PSD3: variants seen among roughly 807,000 people sequenced by gnomAD.
The protein encoded by PSD3 is PH and SEC7 domain-containing protein 3.
A neutral mutation model predicts 105.5 loss-of-function variants in PSD3; 49 were observed. The ratio of observed to expected loss-of-function variants is 0.46; its 90% CI spans 0.37 to 0.59. PSD3 has a LOEUF of 0.59. Ranked by LOEUF, PSD3 falls within the 20% of genes least tolerant of loss-of-function variation. PSD3 has a pLI of 0.00. For synonymous variants in PSD3, 557 were observed against 457.8 expected, an observed-to-expected ratio of 1.22 and a Z score of -2.77; for missense variants, 1,561 against 1,263.8, an observed-to-expected ratio of 1.24 and a Z score of -3.57.
chr8:18,857,323 G>T (rs1448119676), intron 4 of PSD3, among the ~76,000 whole-genome samples: 1 of 152,194 alleles, frequency 6.6e-6, no homozygotes, highest in Non-Finnish European at 1.5e-5. Context: ...ACCTGGGAAT[G>T]TGTTAAAATG....
At chr8:18,551,819 C>T (rs1307158704) in intron 15 of PSD3, among the ~76,000 whole-genome samples, 1 of 152,056 alleles carries the variant, frequency 6.6e-6, no homozygotes, top group Non-Finnish European at 1.5e-5. Flanking sequence ...ATCTTCCTTC[C>T]AAGCATGAAG....
At chr8:18,933,612 C>T (rs1026480213) in intron 2 of PSD3, among the ~76,000 whole-genome samples, 30 of 152,126 alleles carry the variant, frequency 2.0e-4, no homozygotes, top group African/African-American at 7.2e-4. Context: ...GAATTACAGG[C>T]ACATGTCACC....
intron 4 of PSD3, among the ~76,000 whole-genome samples, chr8:18,811,783 C>A (rs1811707830): frequency 1.3e-5 from 2 of 152,132 alleles, no homozygotes; most frequent in Non-Finnish European, 2.9e-5. Context: ...GGAGAATACC[C>A]AGAGAGCAAA....
chr8:19,068,088 G>C (rs1353175992), intron 1 of PSD3, among the ~76,000 whole-genome samples: 1 of 152,104 alleles, frequency 6.6e-6, no homozygotes, highest in African/African-American at 2.4e-5. Flanking sequence ...ATACAGGACT[G>C]GCTGCACAAT....
intron 1 of PSD3, among the ~76,000 whole-genome samples, chr8:19,032,734 G>A (rs1211375836): frequency 3.3e-5 from 5 of 151,884 alleles, no homozygotes. Context: ...AGTTTTTCAG[G>A]TAGGAAAATA....
chr8:18,548,447 T>C (rs1168543792), intron 15 of PSD3, among the ~76,000 whole-genome samples: 1 of 152,218 alleles, frequency 6.6e-6, no homozygotes, highest in African/African-American at 2.4e-5. Context: ...GTCTTTACTG[T>C]CTTTGGGTGA....
chr8:18,832,839 C>A (rs1813786334), intron 4 of PSD3, among the ~76,000 whole-genome samples: 1 of 152,120 alleles, frequency 6.6e-6, no homozygotes. Flanking sequence ...GAGACCTATT[C>A]ATTATCACTA....
At chr8:18,784,330 G>T (rs1808918970) in intron 8 of PSD3, among the ~76,000 whole-genome samples, 1 of 151,468 alleles carries the variant, frequency 6.6e-6, no homozygotes, top group Admixed American at 6.6e-5. Flanking sequence ...GTGTTCAGAA[G>T]GAATAAGACT....
chr8:18,535,620 A>C lies in PSD3; in HGVS notation c.*123T>G. 1 of 794,676 alleles carries C rather than the reference A, an allele frequency of 1.3e-6. No homozygotes were observed. Among genetic ancestry groups the C allele is most frequent in the Non-Finnish European group, 2.0e-6 (1 of 494,340 alleles). 49.2% of individuals were successfully genotyped at this position (794,676 alleles called of 1,614,324 possible). A position where few individuals can be genotyped will look rare whatever the true frequency, so the allele number is the denominator to read the frequency against. On this transcript the variant is annotated 3_prime_UTR_variant, in exon 16 of 16. Transcript: ENST00000327040. ...AACTAACAAAAATATACAATAGAAA[A>C]AATTACTAATGCACCGTTTTGTCAC... is the stretch of plus-strand genomic sequence containing the variant.
intron 4 of PSD3, chr8:18,849,299 T>C (rs763366935): frequency 1.5e-4 from 23 of 152,228 alleles, no homozygotes; most frequent in East Asian, 1.9e-4. Flanking sequence ...CTATCATTTC[T>C]ATATGATGAA....
In PSD3 at chr8:18,867,730, A is replaced by G. The variant is rs367704787; in HGVS notation, c.1578T>C (p.Asn526=). The G allele has an allele frequency of 8.1e-6, 13 of 1,614,086 alleles. No individual in the cohort carries two copies. In the African/African-American group the frequency reaches 1.3e-4, roughly 17 times the overall value. The stretch of plus-strand genomic sequence containing the variant: ...TCGTGTAGATGGAGTCGCTGGCATC[A>G]TTCAGCCCATTGGTGACGCCACTAG... ...GYSSGVTNGL[N]DASDSIYTKG... The change falls in exon 4 of 16, where the codon AAT becomes AAC. Residue 526 remains asparagine (N), a synonymous_variant. Transcript: ENST00000327040.
intron 1 of PSD3, among the ~76,000 whole-genome samples, chr8:18,963,481 T>A (rs1411443356): frequency 6.6e-6 from 1 of 152,166 alleles, no homozygotes; most frequent in East Asian, 1.9e-4. Flanking sequence ...ATTTTATACA[T>A]ACTCGACTCG....
At chr8:18,615,201 G>GATCACCTGCTGCACCCTACATTCCA in intron 11 of PSD3, among the ~76,000 whole-genome samples, 1 of 151,456 alleles carries the variant, frequency 6.6e-6, no homozygotes, top group African/African-American at 2.4e-5. Flanking sequence ...GACTCATTCT[G>GATCACCTGCTGCACCCTACATTCCA]ATCACCTGCT....
chr8:18,755,416 T>A (rs1229090201), intron 9 of PSD3, among the ~76,000 whole-genome samples: 1 of 135,668 alleles, frequency 7.4e-6, no homozygotes, highest in Non-Finnish European at 1.6e-5. Flanking sequence ...GGCAACAGAG[T>A]GAGACCCTGT....
intron 8 of PSD3, among the ~76,000 whole-genome samples, chr8:18,793,550 C>T (rs1271003040): frequency 6.6e-6 from 1 of 152,050 alleles, no homozygotes; most frequent in Non-Finnish European, 1.5e-5. Context: ...TAAGACAAGA[C>T]AAACACGGCA....
intron 4 of PSD3, among the ~76,000 whole-genome samples, chr8:18,828,982 G>A (rs536726395): frequency 4.6e-5 from 7 of 152,214 alleles, no homozygotes; most frequent in African/African-American, 1.2e-4. Flanking sequence ...TGAGGTGGGC[G>A]GACGGCTTGA....
At position 19,064,253 on chromosome 8, in the gene PSD3, G is replaced by C. The variant is rs563779853; in HGVS notation, c.324+19953C>G. Among the ~76,000 whole-genome samples the C allele has an allele frequency of 4.6e-5, 7 of 152,244 alleles. No homozygotes were observed. In the South Asian group the frequency reaches 1.2e-3, roughly 27 times the overall value. On this transcript the variant is annotated intron_variant, in intron 1 of 1. Transcript: ENST00000521475. Reference sequence around the variant, plus strand: ...CAGCATGTAATTCCTAATAATTAAAGACACCTTTAGTGTGTACCTAAATAG... The same window carrying C: ...CAGCATGTAATTCCTAATAATTAAACACACCTTTAGTGTGTACCTAAATAG...
At chr8:18,957,244 G>A (rs150446404) in intron 1 of PSD3, among the ~76,000 whole-genome samples, 4,766 of 151,992 alleles carry the variant, frequency 0.031, 260 homozygotes, top group African/African-American at 0.1. Flanking sequence ...GGTGGCGCGC[G>A]CCTGTAGTCC....
Position 18,801,353 on chromosome 8 carries a change from CCCA to C in PSD3, c.1937_1939del (p.Val646del). On this transcript the variant is annotated inframe_deletion, in exon 7 of 16. Transcript: ENST00000327040. ...AACTCTCTCTCGTTCTTGAGTTTCTCCCACAAGAGAGAATGCTTTAAAGAAATA... is the reference window on the plus strand; with the variant it reads ...AACTCTCTCTCGTTCTTGAGTTTCTCCAAGAGAGAATGCTTTAAAGAAATA... 2 of 1,605,470 alleles carry C rather than the reference CCCA, an allele frequency of 1.2e-6. No homozygotes were observed. The highest frequency in any genetic ancestry group is 1.7e-6 in the Non-Finnish European group (2 of 1,174,382).
Sources: gnomAD v4.1 joint callset for allele counts (sites outside exome capture counted in the v4.1 genomes callset) on GRCh38, gnomAD v4.1.1 for gene constraint, MANE v1.5 for transcripts, NCBI Gene and HGNC (gene_info 2026-07-23, HGNC 2026-07-21) for gene names.